The following NFXL1 variants were observed in gnomAD, a reference collection of about 807,000 sequenced individuals.
NFXL1 encodes NF-X1-type zinc finger protein NFXL1.
In NFXL1, 66 loss-of-function variants were observed where a neutral mutation model predicts 123.3. The observed-to-expected ratio is 0.54, with a 90% CI of 0.44 to 0.66. The LOEUF is 0.66. Among genes scored for constraint, NFXL1 ranks in the 30% least tolerant of loss-of-function variants. The pLI is 0.00. For synonymous variants in NFXL1, 346 were observed against 360.8 expected (o/e 0.96, Z 0.46); for missense variants, 944 against 1,125.6 (o/e 0.84, Z 2.31).
intron 11 of NFXL1, 139 bp downstream of exon 11, chr4:47,894,041 A>C (rs1297981321): frequency 2.1e-6 from 1 of 487,466 alleles, no homozygotes. Flanking sequence ...AGCTTAATCT[A>C]GAATATTTAT....
intron 2 of NFXL1, among the ~76,000 whole-genome samples, chr4:47,912,917 G>A (rs1341102108): frequency 2.0e-5 from 3 of 149,016 alleles, no homozygotes; most frequent in Non-Finnish European, 4.4e-5. Context: ...GGAGGCTGAG[G>A]CCGGAGAACG....
chr4:47,886,063 A>G (rs1736411283), intron 12 of NFXL1, 64 bp from the exon 13 acceptor site: 2 of 1,468,476 alleles, frequency 1.4e-6, no homozygotes, highest in Non-Finnish European at 9.4e-7. Flanking sequence ...TAATGGTAAA[A>G]TACATAAATT....
chr4:47,913,468 G>T (rs1394519489), intron 2 of NFXL1, among the ~76,000 whole-genome samples: 1 of 152,184 alleles, frequency 6.6e-6, no homozygotes, highest in African/African-American at 2.4e-5. Flanking sequence ...ATGACACCTG[G>T]CTCCAGAAAT....
intron 3 of NFXL1, among the ~76,000 whole-genome samples, chr4:47,906,336 T>C (rs1281332252): frequency 6.6e-6 from 1 of 152,146 alleles, no homozygotes; most frequent in Non-Finnish European, 1.5e-5. Context: ...GAACTTACCA[T>C]GGCAATAACG....
At chr4:47,891,069 C>T (rs115482138) in intron 11 of NFXL1, among the ~76,000 whole-genome samples, 4 of 151,534 alleles carry the variant, frequency 2.6e-5, no homozygotes, top group Admixed American at 6.6e-5. Context: ...TCAAATTCAA[C>T]GTATAGATTC....
At chr4:47,850,486 T>G (rs2110021720) in intron 22 of NFXL1, among the ~76,000 whole-genome samples, 1 of 152,142 alleles carries the variant, frequency 6.6e-6, no homozygotes, top group South Asian at 2.1e-4. Flanking sequence ...AATAAAAAGT[T>G]ATACATCACT....
intron 18 of NFXL1, 104 bp downstream of exon 18, chr4:47,875,023 C>T: frequency 1.6e-6 from 1 of 613,478 alleles, no homozygotes; most frequent in Non-Finnish European, 2.7e-6. Flanking sequence ...AAAATCTAGG[C>T]ATCTAGAGTT....
intron 22 of NFXL1, among the ~76,000 whole-genome samples, chr4:47,850,407 G>A (rs1330675514): frequency 6.6e-6 from 1 of 151,990 alleles, no homozygotes; most frequent in African/African-American, 2.4e-5. Context: ...CATTCATAAA[G>A]GCAGTAGCTT....
chr4:47,878,706 A>C (rs1332709929), intron 16 of NFXL1, 41 bp from the exon 17 acceptor site: 4 of 1,413,530 alleles, frequency 2.8e-6, no homozygotes, highest in Non-Finnish European at 3.7e-6. Flanking sequence ...ACATTACTCA[A>C]ACGTTTCTGG....
Position 47,910,818 on chromosome 4 carries a change from C to A in NFXL1, c.406+6G>T. 6.6e-7 allele frequency: 1 copy of A among 1,521,256 alleles called. No homozygotes were observed. The allele number at this position is 1,521,256 out of a possible 1,614,324, so 94.2% of individuals were successfully genotyped here. On this transcript the variant is annotated splice_donor_region_variant and intron_variant, in intron 3 of 22. Coordinates refer to ENST00000507489, the MANE Select transcript of NFXL1 (RefSeq NM_001278624.2). ...CGTCAAAAGTCAAAATTTAAAAGATCAGTACCTGTCTGAGTAGTGTATGTT... is the reference window on the plus strand; with the variant it reads ...CGTCAAAAGTCAAAATTTAAAAGATAAGTACCTGTCTGAGTAGTGTATGTT...
intron 19 of NFXL1, among the ~76,000 whole-genome samples, chr4:47,859,857 A>C (rs1324827030): frequency 6.9e-6 from 1 of 144,624 alleles, no homozygotes; most frequent in South Asian, 2.2e-4. Flanking sequence ...AAAAAAAAAA[A>C]AAAAAAAAAA....
At chr4:47,871,243 C>T (rs1400740636) in intron 18 of NFXL1, among the ~76,000 whole-genome samples, 3 of 151,728 alleles carry the variant, frequency 2.0e-5, no homozygotes, top group Non-Finnish European at 4.4e-5. Flanking sequence ...GTCCCAGCTA[C>T]GCGGGAGGCT....
intron 19 of NFXL1, among the ~76,000 whole-genome samples, chr4:47,861,468 C>T (rs1734762693): frequency 6.6e-6 from 1 of 152,142 alleles, no homozygotes; most frequent in Non-Finnish European, 1.5e-5. Context: ...CATAGCATCA[C>T]AACTTATTTA....
At chr4:47,895,997 A>G (rs1413114752) in intron 10 of NFXL1, among the ~76,000 whole-genome samples, 1 of 152,174 alleles carries the variant, frequency 6.6e-6, no homozygotes, top group Non-Finnish European at 1.5e-5. Context: ...AGGGAATAGG[A>G]AGGCCCAAGG....
At chr4:47,889,900 A>G (rs1050258448) in intron 12 of NFXL1, among the ~76,000 whole-genome samples, 1 of 152,202 alleles carries the variant, frequency 6.6e-6, no homozygotes, top group South Asian at 2.1e-4. Flanking sequence ...ATACAGAAGC[A>G]TATATGTGAA....
At chr4:47,894,855 C>A (rs1487446011) in intron 10 of NFXL1, among the ~76,000 whole-genome samples, 1 of 152,048 alleles carries the variant, frequency 6.6e-6, no homozygotes, top group African/African-American at 2.4e-5. Flanking sequence ...GGAATCCTTT[C>A]CAGAAGGTTT....
chr4:47,908,636 T>A (rs1737672236), intron 3 of NFXL1, among the ~76,000 whole-genome samples: 1 of 151,638 alleles, frequency 6.6e-6, no homozygotes, highest in Non-Finnish European at 1.5e-5. Context: ...GGCCTTATGA[T>A]CAAGGGAAGA....
chr4:47,857,610 C>CT (rs1184273250), intron 19 of NFXL1, among the ~76,000 whole-genome samples: 1 of 152,174 alleles, frequency 6.6e-6, no homozygotes, highest in Non-Finnish European at 1.5e-5. Context: ...ATAAATGTAT[C>CT]TTTTTTTCTC....
At chr4:47,853,798 C>T (rs1249409706) in intron 20 of NFXL1, among the ~76,000 whole-genome samples, 1 of 151,996 alleles carries the variant, frequency 6.6e-6, no homozygotes, top group African/African-American at 2.4e-5. Flanking sequence ...CCTGGTATGC[C>T]GAGTCTGCAT....
Sources: gnomAD v4.1 joint callset for allele counts (sites outside exome capture counted in the v4.1 genomes callset) on GRCh38, gnomAD v4.1.1 for gene constraint, MANE v1.5 for transcripts, NCBI Gene and HGNC (gene_info 2026-07-23, HGNC 2026-07-21) for gene names.